Variants in SPART observed in about 807,000 individuals in gnomAD.
SPART encodes the protein spartin.
Under a neutral mutation model 58.7 loss-of-function variants are expected in SPART, and 35 were observed. That is an observed-to-expected ratio of 0.60 (90% CI 0.46 to 0.79). SPART has a LOEUF of 0.79. Ranked by LOEUF, SPART falls within the 30% of genes least tolerant of loss-of-function variation. SPART has a pLI of 0.00. For missense variants in SPART, 730 were observed against 786.1 expected (o/e 0.93, Z 0.85); for synonymous variants, 284 against 280.7 (o/e 1.01, Z -0.12).
intron 4 of SPART, among the ~76,000 whole-genome samples, chr13:36,328,512 C>G (rs971863312): frequency 6.6e-6 from 1 of 152,206 alleles, no homozygotes; most frequent in Non-Finnish European, 1.5e-5. Context: ...TCCACCCACA[C>G]TTATCTGTTA....
rs183837577 is a variant in SPART at position 36,317,052 on chromosome 13, A to G, written c.1289-2631T>C. Among the ~76,000 whole-genome samples the G allele has an allele frequency of 6.8e-4, 104 of 152,230 alleles. 2 individuals carry two copies. The East Asian group carries it at 0.019, about 28-fold the overall frequency. ...TCCTTTCATTTTCTGGGAGAGACAA[A>G]GGAGACACGTTTTATCCGTGGACCC... On this transcript the variant is annotated intron_variant, in intron 5 of 8. Transcript: ENST00000438666.
In SPART at chr13:36,302,965, A is replaced by G. The variant is rs1243759092; in HGVS notation, c.*1400T>C. The stretch of plus-strand genomic sequence containing the variant: ...ATTATTGTAATTTTTAGCTCCCACA[A>G]ATGAGAATATATGAAGTGCCATTCC... On this transcript the variant is annotated 3_prime_UTR_variant, in exon 9 of 9. Transcript: ENST00000438666. 1 of 152,102 alleles carries G rather than the reference A, an allele frequency of 6.6e-6. No homozygotes were observed. Among genetic ancestry groups the G allele is most frequent in the East Asian group, 1.9e-4 (1 of 5,190 alleles). 9.4% of individuals were successfully genotyped at this position (152,102 alleles called of 1,614,324 possible).
In SPART at chr13:36,302,506, A is replaced by C. The variant is rs1224602734; in HGVS notation, c.*1859T>G. The C allele has an allele frequency of 1.3e-5, 2 of 152,184 alleles. No individual in the cohort carries two copies. Among genetic ancestry groups the C allele is most frequent in the African/African-American group, 4.8e-5 (2 of 41,448 alleles). 9.4% of individuals were successfully genotyped at this position (152,184 alleles called of 1,614,324 possible). ...CTCCAATAAAACGTTATTTATGAAA[A>C]CAGGTGGACATCTGGATTTAGCCCA... On this transcript the variant is annotated 3_prime_UTR_variant, in exon 9 of 9. Coordinates refer to ENST00000438666, the MANE Select transcript of SPART (RefSeq NM_015087.5).
In SPART at chr13:36,304,353, C is replaced by T. The variant is rs1304434109; in HGVS notation, c.*12G>A. On this transcript the variant is annotated 3_prime_UTR_variant, in exon 9 of 9. Transcript: ENST00000438666. ...TCATAAGGCTTTGGTATAAGTGATT[C>T]CCAGCACTTCATCATTTATCTTTCT... 1.2e-6 allele frequency: 2 copies of T among 1,613,900 alleles called. No individual in the cohort carries two copies. The highest frequency in any genetic ancestry group is 1.7e-5 in the Admixed American group (1 of 60,012).
chr13:36,343,055 C>G (rs139687973), intron 1 of SPART, among the ~76,000 whole-genome samples: 1,875 of 152,220 alleles, frequency 0.012, 42 homozygotes, highest in African/African-American at 0.043. Flanking sequence ...GGCACAACTC[C>G]CACTATCCAT....
intron 1 of SPART, among the ~76,000 whole-genome samples, chr13:36,341,884 C>G (rs1341924721): frequency 1.3e-5 from 2 of 152,204 alleles, no homozygotes; most frequent in South Asian, 4.1e-4. Flanking sequence ...TTAACAATCT[C>G]TTCTCCTGGA....
chr13:36,306,749 GA>G (rs35230544), intron 8 of SPART, among the ~76,000 whole-genome samples: 36,994 of 149,550 alleles, frequency 0.25, 4,908 homozygotes, highest in East Asian at 0.51. Flanking sequence ...ATTAATTTGG[GA>G]AAAAAAAACA....
chr13:36,361,470 T>C (rs1335122839), intron 1 of SPART, among the ~76,000 whole-genome samples: 1 of 152,172 alleles, frequency 6.6e-6, no homozygotes, highest in Non-Finnish European at 1.5e-5. Flanking sequence ...AATGGTGTGC[T>C]CTCAGCTGAC....
At chr13:36,351,486 A>G (rs1315127153) in intron 1 of SPART, among the ~76,000 whole-genome samples, 1 of 152,186 alleles carries the variant, frequency 6.6e-6, no homozygotes, top group Non-Finnish European at 1.5e-5. Context: ...TTGGCAAAGA[A>G]TTTATTTCAC....
intron 8 of SPART, among the ~76,000 whole-genome samples, chr13:36,305,462 AC>A (rs1484149557): frequency 6.6e-6 from 1 of 152,112 alleles, no homozygotes; most frequent in African/African-American, 2.4e-5. Flanking sequence ...GGAGAATCTT[AC>A]CTTTGTCCTT....
upstream of SPART, among the ~76,000 whole-genome samples, chr13:36,347,628 G>A (rs989053855): frequency 1.3e-5 from 2 of 152,058 alleles, no homozygotes; most frequent in East Asian, 3.9e-4. Context: ...AACCTATTAG[G>A]AATATATTAA....
At chr13:36,339,518 C>A (rs934018662) in intron 1 of SPART, among the ~76,000 whole-genome samples, 2 of 150,268 alleles carry the variant, frequency 1.3e-5, no homozygotes, top group Non-Finnish European at 3.0e-5. Flanking sequence ...TGTACCCCAG[C>A]TACTCAGGAA....
intron 5 of SPART, among the ~76,000 whole-genome samples, chr13:36,322,646 T>C (rs1489650418): frequency 6.6e-6 from 1 of 152,212 alleles, no homozygotes; most frequent in Non-Finnish European, 1.5e-5. Context: ...TCTTTATTTC[T>C]GGCTAAGAGA....
chr13:36,367,837 C>T (rs904955754), intron 1 of SPART, among the ~76,000 whole-genome samples: 1 of 152,150 alleles, frequency 6.6e-6, no homozygotes, highest in African/African-American at 2.4e-5. Context: ...TAAAATATGT[C>T]TGAGTTTTTG....
rs1880121490 is a variant in SPART, at chr13:36,302,841, A to G, written c.*1524T>C. 1 of 151,994 alleles carries G rather than the reference A, an allele frequency of 6.6e-6. No individual in the cohort carries two copies. Among genetic ancestry groups the G allele is most frequent in the African/African-American group, 2.4e-5 (1 of 41,386 alleles). The allele number at this position is 151,994 out of a possible 1,614,324, so 9.4% of individuals were successfully genotyped here. A position where few individuals can be genotyped will look rare whatever the true frequency, so the allele number is the denominator to read the frequency against. On this transcript the variant is annotated 3_prime_UTR_variant, in exon 9 of 9. Coordinates refer to ENST00000438666, the MANE Select transcript of SPART (RefSeq NM_015087.5). ...ACTACAACAAATTCGTTCTAACTAT[A>G]TTTTCGTACCCATTAATCAACCTCA...
chr13:36,359,157 C>T lies in SPART; in HGVS notation c.-3+10932G>A, dbSNP rs115230097. On this transcript the variant is annotated intron_variant, in intron 1 of 8. Coordinates refer to the SPART transcript ENST00000355182. ...AGAACTGTTATTTTATTGAAATTAA[C>T]ATTTTGTTGAATACCGTATGCTCAG... Among the ~76,000 whole-genome samples the T allele has an allele frequency of 1.1e-3, 165 of 152,316 alleles. 1 individual carries two copies. The highest frequency in any genetic ancestry group is 3.8e-3 in the African/African-American group (156 of 41,568).
intron 1 of SPART, chr13:36,365,495 C>G (rs1191273453): frequency 5.5e-6 from 2 of 365,856 alleles, no homozygotes; most frequent in Non-Finnish European, 1.1e-5. Flanking sequence ...TTGCAAATAT[C>G]TTAGATTACT....
intron 4 of SPART, among the ~76,000 whole-genome samples, chr13:36,328,894 A>G (rs1229650957): frequency 6.6e-6 from 1 of 152,250 alleles, no homozygotes; most frequent in African/African-American, 2.4e-5. Context: ...GAAGGCAGAG[A>G]ATAACACAAA....
chr13:36,314,087 G>A, intron 6 of SPART, 140 bp downstream of exon 6: 2 of 851,872 alleles, frequency 2.3e-6, no homozygotes, highest in Non-Finnish European at 3.6e-6. Flanking sequence ...GTCTCACTAT[G>A]AATAACAAAG....
Sources: allele counts gnomAD v4.1 joint callset (sites outside exome capture counted in the v4.1 genomes callset), GRCh38; gene constraint gnomAD v4.1.1; transcripts MANE v1.5; gene names NCBI Gene and HGNC (gene_info 2026-07-23, HGNC 2026-07-21).